NRTN: variants seen among roughly 807,000 people sequenced by gnomAD.
NRTN encodes prepro-neurturin.
In NRTN, 3 loss-of-function variants were observed where a neutral mutation model predicts 7.5. The ratio of observed to expected loss-of-function variants is 0.40; its 90% confidence interval spans 0.18 to 1.03. NRTN has a LOEUF of 1.03. Among genes scored for constraint, NRTN ranks in the 50% least tolerant of loss-of-function variants. The pLI is 0.34. For missense variants in NRTN, 310 were observed against 307.0 expected (o/e 1.01, Z -0.07); for synonymous variants, 157 against 146.6 (o/e 1.07, Z -0.51).
At chr19:5,810,265 CAAAAAAAA>C (rs756539290) in intron 1 of NRTN, among the ~76,000 whole-genome samples, 1 of 89,684 alleles carries the variant, frequency 1.1e-5, no homozygotes, top group African/African-American at 3.8e-5. Flanking sequence ...GACTCTGTCT[CAAAAAAAA>C]AAAAAAAAAA....
intron 1 of NRTN, among the ~76,000 whole-genome samples, chr19:5,810,382 T>C (rs1431545010): frequency 6.6e-6 from 1 of 151,806 alleles, no homozygotes; most frequent in Non-Finnish European, 1.5e-5. Context: ...CGACATGCTG[T>C]GATTATAGGC....
intron 1 of NRTN, among the ~76,000 whole-genome samples, chr19:5,823,133 G>A (rs368208754): frequency 2.3e-4 from 34 of 150,704 alleles, no homozygotes; most frequent in African/African-American, 8.0e-4. Flanking sequence ...AGAGAGAGAG[G>A]AGGCTGGGTG....
At chr19:5,809,567 A>T (rs1373336136) in intron 1 of NRTN, among the ~76,000 whole-genome samples, 1 of 151,414 alleles carries the variant, frequency 6.6e-6, no homozygotes, top group Non-Finnish European at 1.5e-5. Flanking sequence ...CTGGATGGTG[A>T]GTTTGTCGGG....
rs755395550 is a variant in NRTN at position 5,821,099 on chromosome 19, G to GC, written c.-398-2664dup. ...TGCATGCATCACCTCCTCAGGGAGG[G>GC]CCCCCTGCCCACCCCCAGTGAATCT... On this transcript the variant is annotated intron_variant, in intron 1 of 2. Coordinates refer to ENST00000303212, the MANE Select transcript of NRTN (RefSeq NM_004558.5). Among the ~76,000 whole-genome samples, 106 of 152,226 alleles carry GC rather than the reference G, an allele frequency of 7.0e-4. No homozygotes were observed. The Middle Eastern group carries it at 0.017, about 24-fold the overall frequency.
At chr19:5,825,312 G>A (rs1344550920) in intron 2 of NRTN, among the ~76,000 whole-genome samples, 3 of 152,184 alleles carry the variant, frequency 2.0e-5, no homozygotes, top group Admixed American at 2.0e-4. Flanking sequence ...CCTGACCCCT[G>A]TGCCCACGCA....
At chr19:5,824,436 A>C in intron 2 of NRTN, 102 bp downstream of exon 2, 1 of 1,411,752 alleles carries the variant, frequency 7.1e-7, no homozygotes, top group East Asian at 2.5e-5. Flanking sequence ...GGTTTTTTAA[A>C]GATAGGGCCA....
At chr19:5,810,911 G>A (rs1213767079) in intron 1 of NRTN, among the ~76,000 whole-genome samples, 1 of 150,518 alleles carries the variant, frequency 6.6e-6, no homozygotes, top group Non-Finnish European at 1.5e-5. Context: ...CCTGGCAACA[G>A]AGCGAGACTC....
At position 5,824,246 on chromosome 19, in the gene NRTN, GCTT is replaced by G. The variant is rs1380096252; in HGVS notation, c.84_86del (p.Leu29del). 1 of 1,612,066 alleles carries G rather than the reference GCTT, an allele frequency of 6.2e-7. No individual in the cohort carries two copies. Among genetic ancestry groups the G allele is most frequent in the Non-Finnish European group, 8.5e-7 (1 of 1,179,858 alleles). Reference sequence around the variant, plus strand: ...CCATCTGGATGTGTCGAGAGGGCCTGCTTCTCAGCCACCGCCTCGGACCTGCGC... The same window carrying G: ...CCATCTGGATGTGTCGAGAGGGCCTGCTCAGCCACCGCCTCGGACCTGCGC... On this transcript the variant is annotated inframe_deletion, in exon 2 of 3. Coordinates refer to ENST00000303212, the MANE Select transcript of NRTN (RefSeq NM_004558.5).
chr19:5,818,297 C>T (rs996843762), intron 1 of NRTN, among the ~76,000 whole-genome samples: 3 of 152,030 alleles, frequency 2.0e-5, no homozygotes, highest in African/African-American at 4.8e-5. Context: ...CAAGTGTGCT[C>T]GAGTGAGAAT....
At chr19:5,807,089 G>GCC (rs1568395309) in intron 1 of NRTN, among the ~76,000 whole-genome samples, 3 of 152,128 alleles carry the variant, frequency 2.0e-5, no homozygotes, top group Non-Finnish European at 2.9e-5. Flanking sequence ...GGCCTCAGAG[G>GCC]TGGGGCTGTG....
chr19:5,820,951 C>T (rs1325863416), intron 1 of NRTN, among the ~76,000 whole-genome samples: 1 of 152,138 alleles, frequency 6.6e-6, no homozygotes, highest in Non-Finnish European at 1.5e-5. Context: ...ACACGGGCCT[C>T]CTCACTGTTC....
chr19:5,821,782 T>C (rs2057025635), intron 1 of NRTN, among the ~76,000 whole-genome samples: 1 of 152,084 alleles, frequency 6.6e-6, no homozygotes, highest in African/African-American at 2.4e-5. Context: ...TGCCCTCACG[T>C]TGGGGAACTC....
At chr19:5,809,360 G>A (rs1338850000) in intron 1 of NRTN, among the ~76,000 whole-genome samples, 1 of 151,206 alleles carries the variant, frequency 6.6e-6, no homozygotes, top group East Asian at 2.0e-4. Flanking sequence ...TTGTAGAGAC[G>A]GGGGTCTCGC....
intron 1 of NRTN, among the ~76,000 whole-genome samples, chr19:5,811,090 T>G (rs1003265534): frequency 2.0e-5 from 3 of 151,386 alleles, no homozygotes; most frequent in African/African-American, 7.3e-5. Flanking sequence ...TACAAAAAAA[T>G]TAGCTGGGTG....
chr19:5,824,338 A>G lies in NRTN; in HGVS notation c.169+4A>G. 2 of 1,597,932 alleles carry G rather than the reference A, an allele frequency of 1.3e-6. No homozygotes were observed. Among genetic ancestry groups the G allele is most frequent in the Non-Finnish European group, 1.7e-6 (2 of 1,174,644 alleles). On this transcript the variant is annotated splice_donor_region_variant and intron_variant, in intron 2 of 2. Coordinates refer to ENST00000303212, the MANE Select transcript of NRTN (RefSeq NM_004558.5). ...CGGATTGCCCGCCTGGCCCAGTGTAAGCTCCTCCTCTGTGTGGGGTCAGAT... is the reference window on the plus strand; with the variant it reads ...CGGATTGCCCGCCTGGCCCAGTGTAGGCTCCTCCTCTGTGTGGGGTCAGAT...
chr19:5,826,242 G>C (rs2057045926), intron 2 of NRTN, among the ~76,000 whole-genome samples: 1 of 152,090 alleles, frequency 6.6e-6, no homozygotes, highest in Admixed American at 6.5e-5. Context: ...CACCCCTCTG[G>C]GGTTGGGTGT....
chr19:5,825,377 C>T (rs1216728631), intron 2 of NRTN, among the ~76,000 whole-genome samples: 8 of 152,174 alleles, frequency 5.3e-5, no homozygotes, highest in Admixed American at 5.2e-4. Flanking sequence ...CGGCAGGGTG[C>T]GTGTGCAGCG....
intron 1 of NRTN, among the ~76,000 whole-genome samples, chr19:5,807,080 G>C (rs1555733704): frequency 1.3e-5 from 2 of 152,180 alleles, no homozygotes; most frequent in Non-Finnish European, 1.5e-5. Flanking sequence ...TGGAGGAAGG[G>C]CCTCAGAGGT....
At chr19:5,807,514 G>A (rs1407943729) in intron 1 of NRTN, among the ~76,000 whole-genome samples, 1 of 152,194 alleles carries the variant, frequency 6.6e-6, no homozygotes, top group Non-Finnish European at 1.5e-5. Context: ...TAATGGCCTT[G>A]AAGGAAGCCT....
Sources: allele counts gnomAD v4.1 joint callset (sites outside exome capture counted in the v4.1 genomes callset), GRCh38; gene constraint gnomAD v4.1.1; transcripts MANE v1.5; gene names NCBI Gene and HGNC (gene_info 2026-07-23, HGNC 2026-07-21).